The following PCDHGA5 variants were observed in gnomAD, a reference collection of about 807,000 sequenced individuals.
PCDHGA5 encodes the protein protocadherin gamma-A5.
PCDHGA5 carries 36 observed loss-of-function variants against 56.7 expected under a neutral mutation model. The observed-to-expected ratio is 0.64, with a 90% confidence interval of 0.49 to 0.84. The LOEUF (loss-of-function observed/expected upper bound fraction) is 0.84, where lower values mean the gene tolerates loss of function less well. Ranked by LOEUF, PCDHGA5 falls within the 40% of genes least tolerant of loss-of-function variation. The pLI is 0.00. For missense variants in PCDHGA5, 1,305 were observed against 1,201.5 expected, an observed-to-expected ratio of 1.09 and a Z score of -1.27; for synonymous variants, 563 against 520.2, an observed-to-expected ratio of 1.08 and a Z score of -1.12.
chr5:141,379,889 C>CTTTTT lies in PCDHGA5; in HGVS notation c.2421+13164_2421+13168dup, dbSNP rs70988800. 5.8e-3 allele frequency among the ~76,000 whole-genome samples: 293 copies of CTTTTT among 50,830 alleles called. 35 individuals carry two copies. The highest frequency in any genetic ancestry group is 6.4e-3 in the African/African-American group (97 of 15,076). The allele number at this position is 50,830 out of a possible 152,430, so 33.3% of individuals were successfully genotyped here. A position where few individuals can be genotyped will look rare whatever the true frequency, so the allele number is the denominator to read the frequency against. On this transcript the variant is annotated intron_variant, in intron 1 of 3. Coordinates refer to ENST00000518069, the MANE Select transcript of PCDHGA5 (RefSeq NM_018918.3). ...CTTATTTTATGGTCTGTGAAAGCCTCTTTTTTTTTTTTTTTTTTTTTTTTT... is the reference window on the plus strand; with the variant it reads ...CTTATTTTATGGTCTGTGAAAGCCTCTTTTTTTTTTTTTTTTTTTTTTTTTTTTTT...
At chr5:141,455,430 G>C (rs190218223) in intron 1 of PCDHGA5, among the ~76,000 whole-genome samples, 1 of 152,274 alleles carries the variant, frequency 6.6e-6, no homozygotes, top group Admixed American at 6.5e-5. Flanking sequence ...CTCCAAAAGA[G>C]GAGGTCCCCA....
chr5:141,507,632 G>A (rs551849213), intron 3 of PCDHGA5, among the ~76,000 whole-genome samples: 6 of 152,360 alleles, frequency 3.9e-5, no homozygotes, highest in Non-Finnish European at 7.3e-5. Flanking sequence ...GTGGCCTTGC[G>A]CCCTGAGGCC....
At chr5:141,501,290 TACAC>T (rs55762287) in intron 2 of PCDHGA5, among the ~76,000 whole-genome samples, 45,565 of 135,778 alleles carry the variant, frequency 0.34, 7,845 homozygotes, top group Non-Finnish European at 0.42. Flanking sequence ...TATTCCCTTA[TACAC>T]ACACACACAC....
chr5:141,458,168 A>G (rs1287422935), intron 1 of PCDHGA5, among the ~76,000 whole-genome samples: 1 of 152,254 alleles, frequency 6.6e-6, no homozygotes. Context: ...TGTTCACAGT[A>G]GTATACCTTA....
At chr5:141,403,267 C>A in intron 1 of PCDHGA5, 1 of 1,613,888 alleles carries the variant, frequency 6.2e-7, no homozygotes, top group Non-Finnish European at 8.5e-7. Context: ...GTCTGGTGAA[C>A]TTTAAAGTCC....
intron 1 of PCDHGA5, chr5:141,372,520 T>G (rs371229591): frequency 3.7e-6 from 6 of 1,613,950 alleles, no homozygotes; most frequent in Non-Finnish European, 5.1e-6. Flanking sequence ...GCGGTGATTC[T>G]GGCAATCTCC....
At chr5:141,427,992 T>C in intron 1 of PCDHGA5, 1 of 1,599,002 alleles carries the variant, frequency 6.3e-7, no homozygotes, top group Non-Finnish European at 8.6e-7. Context: ...GCCCGATGGC[T>C]CCGCACTCTT....
chr5:141,403,044 T>C lies in PCDHGA5; in HGVS notation c.2421+36293T>C, dbSNP rs914251787. 7 of 1,613,960 alleles carry C rather than the reference T, an allele frequency of 4.3e-6. No individual in the cohort carries two copies. The Admixed American group carries it at 8.3e-5, about 19-fold the overall frequency. ...CTATGGGAGGCCAGGGCCAGTCAGA[T>C]TCGCTACTCAGTGCCTGAAGAGACA... is the stretch of plus-strand genomic sequence containing the variant. On this transcript the variant is annotated intron_variant, in intron 1 of 3. Transcript: ENST00000518069.
At chr5:141,481,035 G>C (rs1342607604) in intron 1 of PCDHGA5, among the ~76,000 whole-genome samples, 1 of 152,094 alleles carries the variant, frequency 6.6e-6, no homozygotes, top group Non-Finnish European at 1.5e-5. Flanking sequence ...TCCAGCCTGG[G>C]CGACAGAGCG....
intron 1 of PCDHGA5, among the ~76,000 whole-genome samples, chr5:141,472,264 G>A (rs925973401): frequency 1.3e-4 from 20 of 152,068 alleles, no homozygotes; most frequent in African/African-American, 3.6e-4. Context: ...TATTATAGCC[G>A]GGCACAGTGG....
rs202162316 is a variant in PCDHGA5, at chr5:141,490,194, T to C, written c.2422-4613T>C. ...TTGAGGAGTCACGTTTCTATGAAAT[T>C]CATGCAAGAGCCCGTGACCAGGGAC... is the stretch of plus-strand genomic sequence containing the variant. On this transcript the variant is annotated intron_variant, in intron 1 of 3. Transcript: ENST00000518069. The surrounding 1 kb of genome is among the most constrained non-coding windows in gnomAD (Gnocchi z 5.4). The C allele has an allele frequency of 8.1e-6, 13 of 1,614,186 alleles. No individual in the cohort carries two copies. The highest frequency in any genetic ancestry group is 1.1e-5 in the Non-Finnish European group (13 of 1,180,030).
At position 141,490,857 on chromosome 5, in the gene PCDHGA5, C is replaced by G; in HGVS notation, c.2422-3950C>G. 6.2e-7 allele frequency: 1 copy of G among 1,613,832 alleles called. No homozygotes were observed. Among genetic ancestry groups the G allele is most frequent in the Admixed American group, 1.7e-5 (1 of 60,012 alleles). On this transcript the variant is annotated intron_variant, in intron 1 of 3. Coordinates refer to ENST00000518069, the MANE Select transcript of PCDHGA5 (RefSeq NM_018918.3). The surrounding 1 kb of genome is among the most constrained non-coding windows in gnomAD (Gnocchi z 5.4). ...AGATTGTGGTGGGGGTTCGAGACTCCGGCTCTCCCCCATTGCATGCCAACA... is the reference window on the plus strand; with the variant it reads ...AGATTGTGGTGGGGGTTCGAGACTCGGGCTCTCCCCCATTGCATGCCAACA...
At chr5:141,475,315 A>G (rs766425496) in intron 1 of PCDHGA5, among the ~76,000 whole-genome samples, 2 of 152,182 alleles carry the variant, frequency 1.3e-5, no homozygotes, top group Non-Finnish European at 2.9e-5. Flanking sequence ...CCTGGTTCTT[A>G]AGAAATGAGA....
chr5:141,370,840 G>C, intron 1 of PCDHGA5: 2 of 1,614,022 alleles, frequency 1.2e-6, no homozygotes, highest in Non-Finnish European at 1.7e-6. Flanking sequence ...GCTCTCACTG[G>C]AGCCACATTT....
At position 141,505,495 on chromosome 5, in the gene PCDHGA5, G is replaced by A. The variant is rs767547572; in HGVS notation, c.2569+14G>A. On this transcript the variant is annotated intron_variant, in intron 3 of 3. Transcript: ENST00000518069. ...CGTCCGCCAGTGGTAAGTGGTGTCA[G>A]TGTGTGTATGGAAGAGTGGGAGACC... The A allele has an allele frequency of 7.9e-5, 128 of 1,614,092 alleles. No homozygotes were observed. Among genetic ancestry groups the A allele is most frequent in the Non-Finnish European group, 1.0e-4 (123 of 1,180,008 alleles).
Position 141,366,042 on chromosome 5 carries a change from G to T in PCDHGA5, c.1712G>T (p.Gly571Val), listed in dbSNP as rs1221134506. 8.1e-6 allele frequency: 13 copies of T among 1,614,242 alleles called. No individual in the cohort carries two copies. In the Middle Eastern group the frequency reaches 4.9e-4, roughly 61 times the overall value. The stretch of plus-strand genomic sequence containing the variant: ...CTGTACCCCGCCCTCCCCACAGACG[G>T]TTCCACGGGCGTGGAGCTGGCGCCT... The part of the protein sequence containing the change: ...EILYPALPTD[G>V]STGVELAPRS... The change falls in exon 1 of 4, where the codon GGT (glycine) becomes GTT (valine). Residue 571 changes from glycine to valine, a missense_variant. By Grantham distance (109) the Gly-to-Val change is moderately radical. Transcript: ENST00000518069.
intron 1 of PCDHGA5, chr5:141,421,720 G>T: frequency 6.2e-7 from 1 of 1,613,906 alleles, no homozygotes. Context: ...AGATGTGGGC[G>T]TGAACTCCCT....
intron 1 of PCDHGA5, chr5:141,422,103 A>C: frequency 6.2e-7 from 1 of 1,608,206 alleles, no homozygotes; most frequent in Admixed American, 1.7e-5. Context: ...CTTCTGAAAT[A>C]TTCCAATTGG....
chr5:141,415,740 G>GTTTTTTTTTTTTTTTTTT (rs57426385), intron 1 of PCDHGA5: 15 of 625,028 alleles, frequency 2.4e-5, no homozygotes, highest in African/African-American at 7.5e-5. Flanking sequence ...GTTTATTAAG[G>GTTTTTTTTTTTTTTTTTT]TTTTTTTTTT....
Sources: gnomAD v4.1 joint callset for allele counts (sites outside exome capture counted in the v4.1 genomes callset) on GRCh38, gnomAD v4.1.1 for gene constraint, Gnocchi (gnomAD v3.1) non-coding constraint, MANE v1.5 for transcripts, NCBI Gene and HGNC (gene_info 2026-07-23, HGNC 2026-07-21) for gene names.